FARS2: variants seen among roughly 807,000 people sequenced by gnomAD.
FARS2 encodes the protein phenylalanyl-tRNA synthetase 2, mitochondrial, also known as phenylalanine--tRNA ligase, mitochondrial.
A neutral mutation model predicts 46.4 loss-of-function variants in FARS2; 40 were observed. The observed-to-expected ratio is 0.86, with a 90% CI of 0.67 to 1.12. The LOEUF (loss-of-function observed/expected upper bound fraction) is 1.12, where lower values mean the gene tolerates loss of function less well. FARS2 is among the 50% of genes most tolerant of loss of function. FARS2 has a pLI of 0.00. For missense variants in FARS2, 513 were observed against 567.9 expected (o/e 0.90, Z 0.98); for synonymous variants, 234 against 214.9 (o/e 1.09, Z -0.78).
At chr6:5,333,686 T>C (rs1351460515) in intron 1 of FARS2, among the ~76,000 whole-genome samples, 2 of 152,216 alleles carry the variant, frequency 1.3e-5, no homozygotes, top group Non-Finnish European at 2.9e-5. Flanking sequence ...TTTCCTACAC[T>C]TTAAAAACTG....
At chr6:5,518,878 G>T (rs1350549333) in intron 4 of FARS2, among the ~76,000 whole-genome samples, 1 of 152,034 alleles carries the variant, frequency 6.6e-6, no homozygotes, top group Admixed American at 6.6e-5. Context: ...AATTTCTGAG[G>T]CAAACAGAAG....
intron 5 of FARS2, among the ~76,000 whole-genome samples, chr6:5,590,887 G>T (rs934563382): frequency 6.6e-6 from 1 of 152,068 alleles, no homozygotes; most frequent in Non-Finnish European, 1.5e-5. Flanking sequence ...TCATTGCTTT[G>T]CACATTGTAA....
chr6:5,297,613 A>C (rs1433128879), intron 1 of FARS2, among the ~76,000 whole-genome samples: 6 of 152,010 alleles, frequency 3.9e-5, no homozygotes, highest in African/African-American at 1.4e-4. Context: ...GTGCCATTGC[A>C]CTCCAGCCCG....
At chr6:5,622,150 T>A (rs1348283315) in intron 6 of FARS2, among the ~76,000 whole-genome samples, 1 of 152,170 alleles carries the variant, frequency 6.6e-6, no homozygotes, top group Non-Finnish European at 1.5e-5. Context: ...CCATTGTCAA[T>A]CTCACTAGGG....
intron 6 of FARS2, among the ~76,000 whole-genome samples, chr6:5,674,308 C>T (rs967179433): frequency 6.6e-6 from 1 of 151,766 alleles, no homozygotes; most frequent in Non-Finnish European, 1.5e-5. Context: ...TGCCTGTAAG[C>T]CTAATACTGG....
At chr6:5,659,053 C>T (rs1313134720) in intron 6 of FARS2, among the ~76,000 whole-genome samples, 2 of 152,158 alleles carry the variant, frequency 1.3e-5, no homozygotes, top group African/African-American at 4.8e-5. Flanking sequence ...TGTTCCTTTA[C>T]CATTCTTAGC....
chr6:5,656,752 T>G (rs1366500966), intron 6 of FARS2, among the ~76,000 whole-genome samples: 1 of 152,168 alleles, frequency 6.6e-6, no homozygotes, highest in Non-Finnish European at 1.5e-5. Flanking sequence ...TTTCACCATG[T>G]TGGCCAGGCT....
intron 1 of FARS2, among the ~76,000 whole-genome samples, chr6:5,341,079 C>T (rs998323495): frequency 2.5e-4 from 37 of 149,470 alleles, no homozygotes; most frequent in African/African-American, 3.7e-4. Context: ...ACCAGGGAGG[C>T]GGAGGTTGCA....
chr6:5,733,699 C>G (rs928521807), intron 6 of FARS2, among the ~76,000 whole-genome samples: 1 of 152,168 alleles, frequency 6.6e-6, no homozygotes. Flanking sequence ...CTGTACCCAC[C>G]TATCTGGGTT....
chr6:5,600,217 C>T (rs1020811736), intron 5 of FARS2, among the ~76,000 whole-genome samples: 9 of 152,108 alleles, frequency 5.9e-5, no homozygotes, highest in African/African-American at 2.2e-4. Flanking sequence ...ATGATTGTTC[C>T]ATATGATTTC....
intron 3 of FARS2, among the ~76,000 whole-genome samples, chr6:5,415,456 A>G (rs1562023854): frequency 6.6e-6 from 1 of 150,878 alleles, no homozygotes; most frequent in Non-Finnish European, 1.5e-5. Flanking sequence ...AGCTGGGATT[A>G]CAGGTGCACG....
At chr6:5,601,978 G>A (rs1439449792) in intron 5 of FARS2, among the ~76,000 whole-genome samples, 1 of 152,186 alleles carries the variant, frequency 6.6e-6, no homozygotes, top group East Asian at 1.9e-4. Flanking sequence ...AGAACTTGTG[G>A]AGAAAACAGA....
At chr6:5,494,459 G>T (rs1767329206) in intron 4 of FARS2, among the ~76,000 whole-genome samples, 1 of 152,190 alleles carries the variant, frequency 6.6e-6, no homozygotes, top group Non-Finnish European at 1.5e-5. Flanking sequence ...GCGTGTTTAG[G>T]TGTCCTTGAT....
At chr6:5,447,259 G>A (rs960950557) in intron 4 of FARS2, among the ~76,000 whole-genome samples, 1 of 152,200 alleles carries the variant, frequency 6.6e-6, no homozygotes, top group Non-Finnish European at 1.5e-5. Flanking sequence ...GGGCCAGATT[G>A]TGTGCCTTTT....
intron 6 of FARS2, among the ~76,000 whole-genome samples, chr6:5,673,238 G>A (rs978374571): frequency 4.6e-5 from 7 of 152,208 alleles, no homozygotes; most frequent in African/African-American, 9.6e-5. Flanking sequence ...CAGTTTCCAC[G>A]TTTGCGCCTG....
intron 1 of FARS2, among the ~76,000 whole-genome samples, chr6:5,332,650 A>G (rs1453281431): frequency 1.3e-5 from 2 of 152,244 alleles, no homozygotes; most frequent in Non-Finnish European, 2.9e-5. Context: ...ATACACCTGA[A>G]GGTATACACC....
intron 4 of FARS2, among the ~76,000 whole-genome samples, chr6:5,514,986 G>A (rs1768699342): frequency 6.6e-6 from 1 of 151,020 alleles, no homozygotes; most frequent in Admixed American, 6.6e-5. Flanking sequence ...CTGTTGCCCA[G>A]ACTGGTCTTG....
At chr6:5,389,098 C>G (rs1356783691) in intron 2 of FARS2, among the ~76,000 whole-genome samples, 3 of 152,100 alleles carry the variant, frequency 2.0e-5, no homozygotes, top group Non-Finnish European at 4.4e-5. Flanking sequence ...AATTAAGCTG[C>G]TAAACTTTTC....
At chr6:5,342,335 G>C (rs775481728) in intron 1 of FARS2, among the ~76,000 whole-genome samples, 2 of 152,188 alleles carry the variant, frequency 1.3e-5, no homozygotes, top group Non-Finnish European at 2.9e-5. Flanking sequence ...ACTATTTGAA[G>C]ACTGTGGTGC....
Sources: allele counts gnomAD v4.1 joint callset (sites outside exome capture counted in the v4.1 genomes callset), GRCh38; gene constraint gnomAD v4.1.1; transcripts MANE v1.5; gene names NCBI Gene and HGNC (gene_info 2026-07-23, HGNC 2026-07-21).